Variants in CDK17 observed in about 807,000 individuals in gnomAD.
CDK17 encodes cyclin-dependent kinase 17.
A neutral mutation model predicts 77.6 loss-of-function variants in CDK17; 24 were observed. The observed-to-expected ratio is 0.31, with a 90% CI of 0.22 to 0.44. The LOEUF (loss-of-function observed/expected upper bound fraction) is 0.44, where lower values mean the gene tolerates loss of function less well. CDK17 is among the 20% of genes least tolerant of loss of function. The pLI is 1.00. For missense variants in CDK17, 429 were observed against 622.5 expected (o/e 0.69, Z 3.31); for synonymous variants, 203 against 210.4 (o/e 0.96, Z 0.30).
chr12:96,316,592 C>A (rs1458054895), intron 3 of CDK17, among the ~76,000 whole-genome samples: 1 of 142,826 alleles, frequency 7.0e-6, no homozygotes, highest in Admixed American at 7.3e-5. Context: ...GTTCTCCCAG[C>A]ACGCAGCTGG....
At chr12:96,365,611 C>T (rs1026486935) in intron 1 of CDK17, among the ~76,000 whole-genome samples, 38 of 152,218 alleles carry the variant, frequency 2.5e-4, no homozygotes, top group African/African-American at 8.9e-4. Flanking sequence ...AGAAAAACTA[C>T]ACCTAAAAGC....
At position 96,368,824 on chromosome 12, in the gene CDK17, G is replaced by C. The variant is rs866301923; in HGVS notation, c.-30+31162C>G. On this transcript the variant is annotated intron_variant, in intron 1 of 16. Transcript: ENST00000261211. ...TCTAAGACGGGGGGGGGGGGGGGGG[G>C]CACAATGAATAAGGCTGGAAAGGAG... Among the ~76,000 whole-genome samples the C allele has an allele frequency of 6.4e-3, 509 of 79,798 alleles. 21 individuals are homozygous for C. Among genetic ancestry groups the C allele is most frequent in the African/African-American group, 0.013 (293 of 23,246 alleles). The allele number at this position is 79,798 out of a possible 152,430, so 52.4% of individuals were successfully genotyped here. A position where few individuals can be genotyped will look rare whatever the true frequency, so the allele number is the denominator to read the frequency against.
Position 96,400,364 on chromosome 12 carries a change from G to T in CDK17, c.-408C>A. On this transcript the variant is annotated 5_prime_UTR_variant, in exon 1 of 17. Transcript: ENST00000261211. ...CTCCGCGGCTCTGCGGCGGCCCGCG[G>T]GGAGCTCAGGAGACTGCGGGCGGCC... 1 of 386,056 alleles carries T rather than the reference G, an allele frequency of 2.6e-6. No homozygotes were observed. Among genetic ancestry groups the T allele is most frequent in the South Asian group, 1.4e-4 (1 of 7,126 alleles). 23.9% of individuals were successfully genotyped at this position (386,056 alleles called of 1,614,324 possible).
At chr12:96,318,721 G>A (rs1243631159) in intron 3 of CDK17, among the ~76,000 whole-genome samples, 3 of 146,394 alleles carry the variant, frequency 2.0e-5, no homozygotes, top group Non-Finnish European at 1.5e-5. Context: ...ACGAAATGAA[G>A]GCAGAAATAA....
At chr12:96,304,601 T>C (rs1269486760) in intron 5 of CDK17, among the ~76,000 whole-genome samples, 1 of 152,184 alleles carries the variant, frequency 6.6e-6, no homozygotes, top group Non-Finnish European at 1.5e-5. Context: ...TTTCCCTCTC[T>C]GTGGGAATTA....
intron 1 of CDK17, among the ~76,000 whole-genome samples, chr12:96,382,121 G>C (rs915889825): frequency 1.3e-5 from 2 of 151,974 alleles, no homozygotes; most frequent in Non-Finnish European, 2.9e-5. Flanking sequence ...AAAATGGTGT[G>C]GGCGGGTGGG....
chr12:96,322,392 A>G (rs936160934), intron 3 of CDK17, among the ~76,000 whole-genome samples: 2 of 152,088 alleles, frequency 1.3e-5, no homozygotes, highest in African/African-American at 4.8e-5. Context: ...TGAGCTAAAA[A>G]TGTTTTTTGT....
chr12:96,359,246 C>T (rs1031348208), intron 1 of CDK17, among the ~76,000 whole-genome samples: 1 of 152,108 alleles, frequency 6.6e-6, no homozygotes, highest in Non-Finnish European at 1.5e-5. Context: ...ATACATACAC[C>T]ATGGGAGAAC....
chr12:96,352,040 C>T (rs1429117039), intron 1 of CDK17, among the ~76,000 whole-genome samples: 1 of 152,120 alleles, frequency 6.6e-6, no homozygotes, highest in East Asian at 1.9e-4. Flanking sequence ...GAAAACAGGG[C>T]TGGGATCATG....
Position 96,323,295 on chromosome 12 carries a change from C to A in CDK17, c.283+653G>T, listed in dbSNP as rs1235141942. On this transcript the variant is annotated intron_variant, in intron 3 of 16. Transcript: ENST00000261211. The stretch of plus-strand genomic sequence containing the variant: ...AAAAAAAAAAAAAAACAAAAACAAA[C>A]AAACAAACAAATTAGCCAGGCGTAG... Among the ~76,000 whole-genome samples, 965 of 130,706 alleles carry A rather than the reference C, an allele frequency of 7.4e-3. 6 individuals are homozygous for A. Among genetic ancestry groups the A allele is most frequent in the African/African-American group, 0.012 (425 of 34,898 alleles). 85.7% of individuals were successfully genotyped at this position (130,706 alleles called of 152,430 possible). A position where few individuals can be genotyped will look rare whatever the true frequency, so the allele number is the denominator to read the frequency against.
chr12:96,361,052 C>CA (rs1266459555), intron 1 of CDK17, among the ~76,000 whole-genome samples: 1 of 152,164 alleles, frequency 6.6e-6, no homozygotes, highest in African/African-American at 2.4e-5. Flanking sequence ...TATGAAAACT[C>CA]AGAGGCTTGA....
At chr12:96,372,302 T>G (rs1005038234) in intron 1 of CDK17, among the ~76,000 whole-genome samples, 2 of 152,086 alleles carry the variant, frequency 1.3e-5, no homozygotes, top group Non-Finnish European at 2.9e-5. Flanking sequence ...AAAATCTCCC[T>G]CTTATATGGC....
intron 3 of CDK17, among the ~76,000 whole-genome samples, chr12:96,323,176 T>C (rs903230689): frequency 6.6e-6 from 1 of 151,336 alleles, no homozygotes; most frequent in Admixed American, 6.6e-5. Flanking sequence ...CTCATGCCTG[T>C]AATCCCAGCC....
At chr12:96,282,971 T>C (rs1952195710) in intron 14 of CDK17, among the ~76,000 whole-genome samples, 1 of 152,166 alleles carries the variant, frequency 6.6e-6, no homozygotes, top group Non-Finnish European at 1.5e-5. Context: ...CTTAACGACC[T>C]ATCCAATACT....
intron 1 of CDK17, among the ~76,000 whole-genome samples, chr12:96,395,572 A>T (rs1222677879): frequency 6.6e-6 from 1 of 152,260 alleles, no homozygotes; most frequent in East Asian, 1.9e-4. Flanking sequence ...AGTGCCTAGT[A>T]GAGGAGGTAA....
chr12:96,295,090 T>G lies in CDK17; in HGVS notation c.906A>C (p.Ala302=). ...GCAATACCTTTCTTCTATGGCAATA[T>G]GCCAAACCACGTAGAATTTGGTACA... is the stretch of plus-strand genomic sequence containing the variant. ...LFLYQILRGL[A]YCHRRKVLHR... is the part of the protein sequence containing the mutation. The change falls in exon 10 of 17, where the codon GCA becomes GCC. Residue 302 remains alanine (A), a synonymous_variant. Coordinates refer to ENST00000261211, the MANE Select transcript of CDK17 (RefSeq NM_002595.5). 1 of 1,610,458 alleles carries G rather than the reference T, an allele frequency of 6.2e-7. No individual in the cohort carries two copies. The highest frequency in any genetic ancestry group is 8.5e-7 in the Non-Finnish European group (1 of 1,178,306).
intron 1 of CDK17, among the ~76,000 whole-genome samples, chr12:96,345,895 C>T (rs1953203100): frequency 6.6e-6 from 1 of 152,132 alleles, no homozygotes; most frequent in South Asian, 2.1e-4. Context: ...ACAAATAAGA[C>T]ATACAGAAAA....
intron 5 of CDK17, among the ~76,000 whole-genome samples, chr12:96,301,697 A>C (rs1952507367): frequency 6.6e-6 from 1 of 152,164 alleles, no homozygotes; most frequent in South Asian, 2.1e-4. Context: ...AAGGTGTATA[A>C]ATTATGCCAG....
At chr12:96,306,123 A>T (rs1316711273) in intron 5 of CDK17, among the ~76,000 whole-genome samples, 2 of 152,182 alleles carry the variant, frequency 1.3e-5, no homozygotes. Flanking sequence ...AACACTGGGG[A>T]TCTATGCGAG....
Sources: allele counts gnomAD v4.1 joint callset (sites outside exome capture counted in the v4.1 genomes callset), GRCh38; gene constraint gnomAD v4.1.1; transcripts MANE v1.5; gene names NCBI Gene and HGNC (gene_info 2026-07-23, HGNC 2026-07-21).